The following SLC44A1 variants were observed in gnomAD, a reference collection of about 807,000 sequenced individuals.
SLC44A1 encodes choline transporter-like protein 1.
SLC44A1 carries 26 observed loss-of-function variants against 79.3 expected under a neutral mutation model. The observed-to-expected ratio is 0.33, with a 90% CI of 0.24 to 0.46. The LOEUF (loss-of-function observed/expected upper bound fraction) is 0.46. Ranked by LOEUF, SLC44A1 falls within the 20% of genes least tolerant of loss-of-function variation. SLC44A1 has a pLI of 1.00. For synonymous variants in SLC44A1, 263 were observed against 286.2 expected, an observed-to-expected ratio of 0.92 and a Z score of 0.82; for missense variants, 688 against 798.1, an observed-to-expected ratio of 0.86 and a Z score of 1.66.
chr9:105,301,900 C>A (rs1196031569), intron 2 of SLC44A1, among the ~76,000 whole-genome samples: 2 of 152,194 alleles, frequency 1.3e-5, no homozygotes, highest in African/African-American at 4.8e-5. Flanking sequence ...GCCTGACACT[C>A]AAACCATACC....
chr9:105,365,594 T>G lies in SLC44A1; in HGVS notation c.1365T>G (p.Ile455Met), dbSNP rs1564461145. The change falls in exon 11 of 16, where the codon ATT becomes ATG. Residue 455 changes from isoleucine to methionine, a missense_variant. Ile to Met is a conservative substitution (Grantham distance 10). Coordinates refer to ENST00000374720, the MANE Select transcript of SLC44A1 (RefSeq NM_080546.5). ...CTTTCATTATCACATTAGTCAAAAT[T>G]CCGCGAATGATCCTTATGTATATTC... is the stretch of plus-strand genomic sequence containing the variant. ...KGSFIITLVK[I>M]PRMILMYIHS... The G allele has an allele frequency of 1.9e-6, 3 of 1,613,856 alleles. No individual in the cohort carries two copies.
chr9:105,329,249 T>C (rs1488641853), intron 3 of SLC44A1, among the ~76,000 whole-genome samples: 1 of 152,196 alleles, frequency 6.6e-6, no homozygotes, highest in Non-Finnish European at 1.5e-5. Context: ...TCAGACTCCA[T>C]TTTTATTCCC....
chr9:105,278,441 G>C (rs1279053281), intron 1 of SLC44A1, among the ~76,000 whole-genome samples: 2 of 152,196 alleles, frequency 1.3e-5, no homozygotes, highest in Non-Finnish European at 1.5e-5. Context: ...GTAGAGATGG[G>C]GTTTCATCAT....
chr9:105,418,173 G>T (rs1020508672), intron 15 of SLC44A1, among the ~76,000 whole-genome samples: 4 of 152,050 alleles, frequency 2.6e-5, no homozygotes, highest in African/African-American at 9.7e-5. Context: ...AATTAGTCGG[G>T]TGTAGTGGTG....
chr9:105,365,384 T>TG, intron 10 of SLC44A1, 99 bp from the exon 11 acceptor site: 1 of 838,516 alleles, frequency 1.2e-6, no homozygotes, highest in African/African-American at 1.7e-5. Flanking sequence ...AATGATGAGC[T>TG]GATTTTTTTT....
chr9:105,414,425 T>G (rs1326481373), intron 15 of SLC44A1, among the ~76,000 whole-genome samples: 3 of 152,252 alleles, frequency 2.0e-5, no homozygotes, highest in African/African-American at 7.2e-5. Flanking sequence ...TAAGAATGCA[T>G]GCTCCCTCAG....
chr9:105,334,348 TAG>T (rs1360817852), intron 3 of SLC44A1, among the ~76,000 whole-genome samples: 1 of 152,050 alleles, frequency 6.6e-6, no homozygotes, highest in Non-Finnish European at 1.5e-5. Context: ...AAGGCCTCTG[TAG>T]TAGCCCCCTT....
chr9:105,272,040 G>T (rs1830091315), intron 1 of SLC44A1, among the ~76,000 whole-genome samples: 1 of 152,182 alleles, frequency 6.6e-6, no homozygotes, highest in Non-Finnish European at 1.5e-5. Flanking sequence ...GCAAGAGTCT[G>T]TTTTTATTTT....
At chr9:105,259,669 G>A (rs1829797504) in intron 1 of SLC44A1, among the ~76,000 whole-genome samples, 1 of 152,174 alleles carries the variant, frequency 6.6e-6, no homozygotes, top group African/African-American at 2.4e-5. Context: ...AACCACAGGT[G>A]TTGGAAGACA....
rs1168193382 is a variant in SLC44A1 at position 105,255,093 on chromosome 9, G to GTTTT, written c.36+10193_36+10196dup. Among the ~76,000 whole-genome samples the GTTTT allele has an allele frequency of 9.2e-4, 130 of 141,752 alleles. 3 individuals are homozygous for GTTTT. Among genetic ancestry groups the GTTTT allele is most frequent in the African/African-American group, 3.5e-3 (127 of 36,746 alleles). 93.0% of individuals were successfully genotyped at this position (141,752 alleles called of 152,430 possible). A position where few individuals can be genotyped will look rare whatever the true frequency, so the allele number is the denominator to read the frequency against. ...TTTGTTTTAACCTGCTTACTTTCAG[G>GTTTT]TTTTTTTGTTTTTTTTTTTTTTTAA... On this transcript the variant is annotated intron_variant, in intron 1 of 15. Coordinates refer to ENST00000374720, the MANE Select transcript of SLC44A1 (RefSeq NM_080546.5).
At chr9:105,284,719 A>G (rs371902287) in intron 1 of SLC44A1, among the ~76,000 whole-genome samples, 9 of 152,330 alleles carry the variant, frequency 5.9e-5, no homozygotes, top group African/African-American at 2.2e-4. Flanking sequence ...TGAAGTCAGC[A>G]GAACTCTGCA....
intron 1 of SLC44A1, among the ~76,000 whole-genome samples, chr9:105,292,969 TGG>T (rs1312075649): frequency 5.3e-5 from 8 of 152,110 alleles, no homozygotes; most frequent in Admixed American, 5.2e-4. Context: ...GAGACCAACC[TGG>T]GCAACATGGT....
intron 12 of SLC44A1, among the ~76,000 whole-genome samples, chr9:105,370,593 A>T (rs1034975398): frequency 3.3e-5 from 5 of 152,198 alleles, no homozygotes; most frequent in African/African-American, 9.6e-5. Flanking sequence ...GAGGAATAAT[A>T]ATAATTCTCA....
intron 15 of SLC44A1, among the ~76,000 whole-genome samples, chr9:105,425,322 A>C (rs1183464829): frequency 1.3e-5 from 2 of 152,256 alleles, no homozygotes; most frequent in Non-Finnish European, 2.9e-5. Context: ...GAAGGGGGAA[A>C]CAGGTATTAA....
At chr9:105,429,164 T>TA (rs1363334335) in intron 15 of SLC44A1, among the ~76,000 whole-genome samples, 2 of 152,236 alleles carry the variant, frequency 1.3e-5, no homozygotes, top group Non-Finnish European at 2.9e-5. Flanking sequence ...AGGTAAGTGA[T>TA]ACGCTTCCAC....
At chr9:105,318,938 C>T (rs1350947049) in intron 3 of SLC44A1, among the ~76,000 whole-genome samples, 1 of 152,128 alleles carries the variant, frequency 6.6e-6, no homozygotes, top group Non-Finnish European at 1.5e-5. Flanking sequence ...AATCTGAAGT[C>T]TCACTACTTG....
chr9:105,395,961 C>T lies in SLC44A1; in HGVS notation c.*6905C>T, dbSNP rs1338674681. ...CAGGAATGTGACAATAATAGGATAG[C>T]TTTGGGGGCTGGTGATTTGAAACAG... On this transcript the variant is annotated 3_prime_UTR_variant, in exon 16 of 16. Coordinates refer to ENST00000374720, the MANE Select transcript of SLC44A1 (RefSeq NM_080546.5). The T allele has an allele frequency of 1.0e-6, 1 of 981,850 alleles. No homozygotes were observed. The highest frequency in any genetic ancestry group is 1.8e-5 in the African/African-American group (1 of 56,268). 60.8% of individuals were successfully genotyped at this position (981,850 alleles called of 1,614,324 possible).
At chr9:105,271,906 G>A (rs1017661747) in intron 1 of SLC44A1, among the ~76,000 whole-genome samples, 3 of 152,154 alleles carry the variant, frequency 2.0e-5, no homozygotes, top group African/African-American at 4.8e-5. Context: ...GAGCCACTGC[G>A]CCTGGCCTGA....
intron 3 of SLC44A1, among the ~76,000 whole-genome samples, chr9:105,316,182 A>G (rs1212244555): frequency 6.6e-6 from 1 of 152,176 alleles, no homozygotes; most frequent in African/African-American, 2.4e-5. Flanking sequence ...CAACAATAAA[A>G]TCATCATACA....
Sources: allele counts gnomAD v4.1 joint callset (sites outside exome capture counted in the v4.1 genomes callset), GRCh38; gene constraint gnomAD v4.1.1; transcripts MANE v1.5; gene names NCBI Gene and HGNC (gene_info 2026-07-23, HGNC 2026-07-21).